Variants in ROCK1 observed in about 807,000 individuals in gnomAD.
ROCK1 encodes the protein rho-associated protein kinase 1.
Under a neutral mutation model 196.8 loss-of-function variants are expected in ROCK1, and 36 were observed. The observed-to-expected ratio is 0.18, with a 90% CI of 0.14 to 0.24. The LOEUF is 0.24. ROCK1 is among the 10% of genes least tolerant of loss of function. The pLI is 1.00. For synonymous variants in ROCK1, 443 were observed against 515.9 expected, an observed-to-expected ratio of 0.86 and a Z score of 1.91; for missense variants, 920 against 1,562.0, an observed-to-expected ratio of 0.59 and a Z score of 6.93.
intron 29 of ROCK1, among the ~76,000 whole-genome samples, chr18:20,958,365 C>T (rs1364808137): frequency 1.3e-5 from 2 of 152,060 alleles, no homozygotes; most frequent in Admixed American, 6.6e-5. Flanking sequence ...AAAGCAGTTA[C>T]CAGACTTGAC....
intron 32 of ROCK1, among the ~76,000 whole-genome samples, chr18:20,952,988 G>C (rs912423211): frequency 6.6e-6 from 1 of 152,238 alleles, no homozygotes; most frequent in East Asian, 1.9e-4. Flanking sequence ...TGGGGGGCTA[G>C]GGCAGGGATA....
intron 9 of ROCK1, among the ~76,000 whole-genome samples, chr18:21,032,607 G>C (rs2036018559): frequency 6.7e-6 from 1 of 148,510 alleles, no homozygotes; most frequent in South Asian, 2.1e-4. Context: ...TATAACCTGT[G>C]CCTCCCGGGT....
intron 10 of ROCK1, among the ~76,000 whole-genome samples, chr18:21,024,355 A>C (rs1382792033): frequency 6.6e-6 from 1 of 152,236 alleles, no homozygotes; most frequent in Non-Finnish European, 1.5e-5. Context: ...TAGATGTCTC[A>C]CAAGATTCTC....
rs116849499 is a variant in ROCK1 at position 21,046,258 on chromosome 18, C to T, written c.415-791G>A. On this transcript the variant is annotated intron_variant, in intron 4 of 32. Transcript: ENST00000399799. ...TGACTAGTAATTTGCTTAACCTACC[C>T]GAGTCTATGAGACTATAATCTCTTC... is the stretch of plus-strand genomic sequence containing the variant. 1.6e-3 allele frequency among the ~76,000 whole-genome samples: 247 copies of T among 152,202 alleles called. 1 individual carries two copies. The East Asian group carries it at 0.02, about 12-fold the overall frequency.
intron 9 of ROCK1, among the ~76,000 whole-genome samples, chr18:21,031,135 G>GC (rs201424769): frequency 0.01 from 1,596 of 152,250 alleles, 104 homozygotes; most frequent in Admixed American, 0.098. Context: ...AGCAACAACC[G>GC]CAAGCCCTGG....
intron 13 of ROCK1, among the ~76,000 whole-genome samples, chr18:21,013,990 C>T (rs2035841180): frequency 1.3e-5 from 2 of 149,532 alleles, no homozygotes; most frequent in Non-Finnish European, 3.0e-5. Context: ...AGCGTGAACC[C>T]GGGAGGCGGA....
chr18:20,959,029 A>G (rs2035283531), intron 29 of ROCK1, among the ~76,000 whole-genome samples: 1 of 67,144 alleles, frequency 1.5e-5, no homozygotes, highest in Non-Finnish European at 2.4e-5. Flanking sequence ...TATAATATAT[A>G]TATTTTATAT....
intron 22 of ROCK1, among the ~76,000 whole-genome samples, chr18:20,978,130 A>G (rs1402696034): frequency 6.6e-6 from 1 of 152,196 alleles, no homozygotes; most frequent in Admixed American, 6.5e-5. Context: ...ATTGTAATCA[A>G]GTCAACAAAG....
At chr18:21,048,395 A>G (rs1304858064) in intron 4 of ROCK1, among the ~76,000 whole-genome samples, 2 of 152,162 alleles carry the variant, frequency 1.3e-5, no homozygotes, top group Non-Finnish European at 2.9e-5. Flanking sequence ...ACAAAATGAG[A>G]GCCTCATGTT....
At chr18:20,999,100 G>A (rs183442145) in intron 16 of ROCK1, among the ~76,000 whole-genome samples, 1 of 151,980 alleles carries the variant, frequency 6.6e-6, no homozygotes. Context: ...GAGCACACAT[G>A]CAAAAACCCT....
At chr18:21,084,463 G>A (rs942567770) in intron 1 of ROCK1, among the ~76,000 whole-genome samples, 11 of 152,008 alleles carry the variant, frequency 7.2e-5, no homozygotes, top group Admixed American at 1.3e-4. Flanking sequence ...GAATAAAAAC[G>A]TCTCCAAAGA....
chr18:21,072,508 G>A (rs2036394431), intron 1 of ROCK1, among the ~76,000 whole-genome samples: 1 of 152,142 alleles, frequency 6.6e-6, no homozygotes, highest in Non-Finnish European at 1.5e-5. Context: ...AACTATAAAT[G>A]AGGCAGGAAC....
At chr18:20,992,336 T>C (rs2035633571) in intron 17 of ROCK1, among the ~76,000 whole-genome samples, 1 of 152,220 alleles carries the variant, frequency 6.6e-6, no homozygotes. Flanking sequence ...TATTTAACTC[T>C]TAGCTAGGTA....
chr18:21,054,124 T>G (rs1170757685), intron 2 of ROCK1, among the ~76,000 whole-genome samples: 1 of 152,110 alleles, frequency 6.6e-6, no homozygotes, highest in Non-Finnish European at 1.5e-5. Flanking sequence ...CAAGAAAACT[T>G]TATTTATGGA....
At chr18:20,957,558 G>A (rs1456994638) in intron 29 of ROCK1, among the ~76,000 whole-genome samples, 16 of 151,818 alleles carry the variant, frequency 1.1e-4, no homozygotes, top group African/African-American at 2.4e-4. Flanking sequence ...TTGGCTCACC[G>A]CAACCTCAGC....
At chr18:21,006,914 C>A in intron 14 of ROCK1, 124 bp from the exon 15 acceptor site, 1 of 594,814 alleles carries the variant, frequency 1.7e-6, no homozygotes, top group Non-Finnish European at 2.8e-6. Flanking sequence ...GGTCCACTCC[C>A]AAAGCCAAAT....
chr18:21,076,961 C>CTTT lies in ROCK1; in HGVS notation c.94-6351_94-6349dup, dbSNP rs71178160. Among the ~76,000 whole-genome samples, 27 of 65,944 alleles carry CTTT rather than the reference C, an allele frequency of 4.1e-4. 1 individual carries two copies. The highest frequency in any genetic ancestry group is 1.6e-3 in the African/African-American group (26 of 16,090). The allele number at this position is 65,944 out of a possible 152,430, so 43.3% of individuals were successfully genotyped here. A position where few individuals can be genotyped will look rare whatever the true frequency, so the allele number is the denominator to read the frequency against. On this transcript the variant is annotated intron_variant, in intron 1 of 32. Transcript: ENST00000399799. The stretch of plus-strand genomic sequence containing the variant: ...ACCCCCTGCCAGAGAAAAGGACAGT[C>CTTT]TTTTTTTTTTTTTTTTTTTTTTTGA...
chr18:21,019,570 G>C (rs2035894661), intron 12 of ROCK1, among the ~76,000 whole-genome samples: 1 of 151,992 alleles, frequency 6.6e-6, no homozygotes, highest in Non-Finnish European at 1.5e-5. Context: ...GAGGCGGGCA[G>C]ATCACGAGGT....
chr18:20,996,962 AAAT>A (rs1485390049), intron 16 of ROCK1, among the ~76,000 whole-genome samples: 3 of 152,196 alleles, frequency 2.0e-5, no homozygotes, highest in African/African-American at 7.2e-5. Context: ...GATACCCAAA[AAAT>A]AAGCAGCAAG....
Sources: allele counts gnomAD v4.1 joint callset (sites outside exome capture counted in the v4.1 genomes callset), GRCh38; gene constraint gnomAD v4.1.1; transcripts MANE v1.5; gene names NCBI Gene and HGNC (gene_info 2026-07-23, HGNC 2026-07-21).